Variants in NALF1 observed in about 807,000 individuals in gnomAD.
The protein encoded by NALF1 is family with sequence similarity 155 member A.
A neutral mutation model predicts 48.4 loss-of-function variants in NALF1; 3 were observed. The observed-to-expected ratio is 0.06, with a 90% CI of 0.03 to 0.16. The LOEUF is 0.16. NALF1 is among the 10% of genes least tolerant of loss of function. The pLI is 1.00. For synonymous variants in NALF1, 262 were observed against 245.7 expected (o/e 1.07, Z -0.62); for missense variants, 526 against 571.5 (o/e 0.92, Z 0.81).
At chr13:107,586,634 G>GTTTTTTTTTTTTTTTT (rs1403213630) in intron 1 of NALF1, among the ~76,000 whole-genome samples, 1 of 5,664 alleles carries the variant, frequency 1.8e-4, no homozygotes. Flanking sequence ...CCCCTATGGA[G>GTTTTTTTTTTTTTTTT]ATTTTTTTTT....
chr13:107,397,418 T>G (rs984134215), intron 1 of NALF1, among the ~76,000 whole-genome samples: 2 of 152,162 alleles, frequency 1.3e-5, no homozygotes, highest in African/African-American at 4.8e-5. Context: ...TTGAAATGCT[T>G]TTCAAACTCA....
chr13:107,862,028 A>T (rs763271935), intron 1 of NALF1, among the ~76,000 whole-genome samples: 1 of 152,224 alleles, frequency 6.6e-6, no homozygotes, highest in Non-Finnish European at 1.5e-5. Context: ...TTGTAAAAAT[A>T]AAAATGTGAG....
chr13:107,435,366 C>T (rs1160597818), intron 1 of NALF1, among the ~76,000 whole-genome samples: 8 of 152,058 alleles, frequency 5.3e-5, no homozygotes, highest in Non-Finnish European at 1.0e-4. Context: ...CCCCAAATGA[C>T]GTCAGCGTCA....
chr13:107,330,981 T>C (rs894423198), intron 1 of NALF1, among the ~76,000 whole-genome samples: 5 of 152,192 alleles, frequency 3.3e-5, no homozygotes, highest in African/African-American at 9.7e-5. Context: ...ACCTGTTTCA[T>C]GAATTACAGG....
At chr13:107,753,195 C>T (rs1876988352) in intron 1 of NALF1, among the ~76,000 whole-genome samples, 1 of 152,220 alleles carries the variant, frequency 6.6e-6, no homozygotes, top group African/African-American at 2.4e-5. Flanking sequence ...CACTCATCCA[C>T]AGGCCTTTCC....
intron 1 of NALF1, among the ~76,000 whole-genome samples, chr13:107,499,254 C>G (rs982884337): frequency 2.0e-5 from 3 of 152,042 alleles, no homozygotes; most frequent in African/African-American, 7.2e-5. Context: ...TTCATTTTCT[C>G]AAAGATTTTG....
chr13:107,582,876 C>T (rs1249283416), intron 1 of NALF1, among the ~76,000 whole-genome samples: 1 of 152,116 alleles, frequency 6.6e-6, no homozygotes, highest in Non-Finnish European at 1.5e-5. Flanking sequence ...TACGCGTGCA[C>T]ATCCACACAC....
chr13:107,454,603 C>T (rs1403323754), intron 1 of NALF1, among the ~76,000 whole-genome samples: 5 of 152,156 alleles, frequency 3.3e-5, no homozygotes, highest in African/African-American at 1.2e-4. Flanking sequence ...GGTGGAGACA[C>T]AAAGTCTAAC....
chr13:107,651,299 C>A (rs1189442940), intron 1 of NALF1, among the ~76,000 whole-genome samples: 1 of 152,116 alleles, frequency 6.6e-6, no homozygotes, highest in Non-Finnish European at 1.5e-5. Context: ...GAAGCAATGA[C>A]CATAGGTCAT....
intron 1 of NALF1, among the ~76,000 whole-genome samples, chr13:107,600,123 A>C (rs1878879764): frequency 6.6e-6 from 1 of 152,220 alleles, no homozygotes; most frequent in Non-Finnish European, 1.5e-5. Context: ...TAGCCTCTTC[A>C]GGAAATATTG....
At chr13:107,421,161 T>C (rs1884179499) in intron 1 of NALF1, among the ~76,000 whole-genome samples, 1 of 152,148 alleles carries the variant, frequency 6.6e-6, no homozygotes, top group Admixed American at 6.6e-5. Context: ...AAGTGAAACA[T>C]CAATTTCACA....
chr13:107,451,114 G>A (rs970361511), intron 1 of NALF1, among the ~76,000 whole-genome samples: 7 of 152,322 alleles, frequency 4.6e-5, no homozygotes, highest in Non-Finnish European at 8.8e-5. Context: ...TCGACCCCAC[G>A]TGTCCAGCAA....
intron 2 of NALF1, among the ~76,000 whole-genome samples, chr13:107,173,926 C>T (rs1006757682): frequency 2.0e-5 from 3 of 152,156 alleles, no homozygotes; most frequent in Non-Finnish European, 4.4e-5. Context: ...TACTTCATCC[C>T]TTAACTCTGC....
chr13:107,535,582 C>A (rs1460516527), intron 1 of NALF1, among the ~76,000 whole-genome samples: 1 of 152,072 alleles, frequency 6.6e-6, no homozygotes, highest in Non-Finnish European at 1.5e-5. Flanking sequence ...AAAGAGGACA[C>A]AAACAAATGG....
At position 107,621,732 on chromosome 13, in the gene NALF1, G is replaced by T. The variant is rs547382454; in HGVS notation, c.915+243950C>A. 1.1e-4 allele frequency among the ~76,000 whole-genome samples: 17 copies of T among 152,282 alleles called. No homozygotes were observed. In the East Asian group the frequency reaches 3.3e-3, roughly 29 times the overall value. On this transcript the variant is annotated intron_variant, in intron 1 of 2. Transcript: ENST00000375915. ...CTAAATACCAAACACAATAATCCATGAGAAAAATTGAGGCGCTCTGCTCCA... is the reference window on the plus strand; with the variant it reads ...CTAAATACCAAACACAATAATCCATTAGAAAAATTGAGGCGCTCTGCTCCA...
intron 1 of NALF1, among the ~76,000 whole-genome samples, chr13:107,445,954 T>C (rs531482736): frequency 1.3e-5 from 2 of 152,344 alleles, no homozygotes; most frequent in Non-Finnish European, 2.9e-5. Flanking sequence ...CAGATTTTTT[T>C]TTTTAGATGG....
At chr13:107,371,989 A>T (rs1346019914) in intron 1 of NALF1, among the ~76,000 whole-genome samples, 1 of 152,170 alleles carries the variant, frequency 6.6e-6, no homozygotes, top group Non-Finnish European at 1.5e-5. Context: ...GATCTCTCCC[A>T]CCCCGAAGAG....
rs1315765909 is a variant in NALF1, at chr13:107,866,092, C to T, written c.505G>A (p.Glu169Lys). 3 of 1,613,008 alleles carry T rather than the reference C, an allele frequency of 1.9e-6. No individual in the cohort carries two copies. The highest frequency in any genetic ancestry group is 2.2e-5 in the East Asian group (1 of 44,858). The change falls in exon 1 of 3, where the codon GAG becomes AAG. Residue 169 changes from glutamate (E) to lysine (K), a missense_variant. Glu to Lys is a moderately conservative substitution (Grantham distance 56). This residue lies in a region of NALF1 where 373 missense variants were observed against 355.5 expected (regional missense o/e 1.05). Transcript: ENST00000375915. The surrounding 1 kb of genome is among the most constrained non-coding windows in gnomAD (Gnocchi z 4.4). The stretch of plus-strand genomic sequence containing the variant: ...GACGCGCCCTGGGGGTAACAAGTCT[C>T]CAGGCGCCACACGGGCTTGGCAGAG... ...GNSAKPVWRLETCYPQGASSG... is the reference protein window; with the variant it reads ...GNSAKPVWRLKTCYPQGASSG...
intron 1 of NALF1, among the ~76,000 whole-genome samples, chr13:107,825,239 C>T (rs746022038): frequency 6.6e-6 from 1 of 152,136 alleles, no homozygotes; most frequent in Non-Finnish European, 1.5e-5. Context: ...CCCTCAGCTG[C>T]AAAGTGAGAA....
Sources: gnomAD v4.1 joint callset for allele counts (sites outside exome capture counted in the v4.1 genomes callset) on GRCh38, gnomAD v4.1.1 for gene constraint, gnomAD v4.1.1 regional missense constraint, Gnocchi (gnomAD v3.1) non-coding constraint, MANE v1.5 for transcripts, NCBI Gene and HGNC (gene_info 2026-07-23, HGNC 2026-07-21) for gene names.